AK5: variants seen among roughly 807,000 people sequenced by gnomAD.
The protein encoded by AK5 is adenylate kinase isoenzyme 5.
A neutral mutation model predicts 69.5 loss-of-function variants in AK5; 27 were observed. The ratio of observed to expected loss-of-function variants is 0.39; its 90% CI spans 0.29 to 0.54. The LOEUF is 0.54. Ranked by LOEUF, AK5 falls within the 20% of genes least tolerant of loss-of-function variation. The pLI is 0.71. For missense variants in AK5, 531 were observed against 700.4 expected (o/e 0.76, Z 2.73); for synonymous variants, 260 against 244.4 (o/e 1.06, Z -0.60).
chr1:77,411,881 C>A (rs1422589847), intron 7 of AK5, among the ~76,000 whole-genome samples: 3 of 152,184 alleles, frequency 2.0e-5, no homozygotes, highest in Admixed American at 1.3e-4. Context: ...TCTTTCTGGG[C>A]AGACCCACAG....
At chr1:77,546,368 G>A (rs1251801513) in intron 13 of AK5, among the ~76,000 whole-genome samples, 1 of 152,174 alleles carries the variant, frequency 6.6e-6, no homozygotes, top group African/African-American at 2.4e-5. Context: ...TCTTTGACAT[G>A]CTCAGCAGAC....
intron 8 of AK5, among the ~76,000 whole-genome samples, chr1:77,435,187 G>A (rs535094315): frequency 2.9e-4 from 44 of 152,304 alleles, no homozygotes; most frequent in Non-Finnish European, 4.6e-4. Context: ...AGAGCAGAAG[G>A]CAGTGTTGTA....
At position 77,491,931 on chromosome 1, in the gene AK5, A is replaced by C. The variant is rs564891830; in HGVS notation, c.1147+5579A>C. The stretch of plus-strand genomic sequence containing the variant: ...GGTTGAAAGCATGGATTTTTGCAAA[A>C]ATCACTGCCTGTTGTTTTTGTTTTT... On this transcript the variant is annotated intron_variant, in intron 10 of 13. Transcript: ENST00000354567. Among the ~76,000 whole-genome samples the C allele has an allele frequency of 4.6e-5, 7 of 152,308 alleles. No individual in the cohort carries two copies. In the East Asian group the frequency reaches 1.2e-3, roughly 25 times the overall value.
intron 8 of AK5, among the ~76,000 whole-genome samples, chr1:77,441,431 T>G (rs1652319382): frequency 6.6e-6 from 1 of 152,190 alleles, no homozygotes; most frequent in African/African-American, 2.4e-5. Flanking sequence ...CTTCCAAACT[T>G]TCTAGAGTGG....
chr1:77,523,423 A>G (rs1658104955), intron 12 of AK5, among the ~76,000 whole-genome samples: 2 of 152,144 alleles, frequency 1.3e-5, no homozygotes, highest in Non-Finnish European at 2.9e-5. Flanking sequence ...GCTTTTTCCC[A>G]TGAAAAAAAT....
intron 6 of AK5, among the ~76,000 whole-genome samples, chr1:77,405,231 G>A (rs1649539070): frequency 6.6e-6 from 1 of 152,236 alleles, no homozygotes; most frequent in African/African-American, 2.4e-5. Flanking sequence ...ATCCCTTGAG[G>A]TGGATATTAT....
At chr1:77,475,199 G>A (rs199499154) in intron 8 of AK5, among the ~76,000 whole-genome samples, 2,312 of 11,258 alleles carry the variant, frequency 0.21, 19 homozygotes, top group Non-Finnish European at 0.33. Flanking sequence ...ATATATATGT[G>A]TGTGTGTGTG....
chr1:77,424,999 CA>C (rs1651098437), intron 8 of AK5, among the ~76,000 whole-genome samples: 2 of 152,096 alleles, frequency 1.3e-5, no homozygotes, highest in African/African-American at 4.8e-5. Context: ...AATAGAGAAA[CA>C]AATCTTGAAA....
intron 6 of AK5, 29 bp from the exon 7 acceptor site, chr1:77,410,952 C>A (rs1650001444): frequency 1.9e-6 from 3 of 1,590,310 alleles, no homozygotes; most frequent in Non-Finnish European, 2.6e-6. Flanking sequence ...TTCTCACATT[C>A]CAAACTTGTC....
intron 12 of AK5, among the ~76,000 whole-genome samples, chr1:77,535,144 CCACAAAA>C (rs1658887843): frequency 6.6e-6 from 1 of 152,172 alleles, no homozygotes; most frequent in Non-Finnish European, 1.5e-5. Flanking sequence ...AGCAAGTGTT[CCACAAAA>C]CCAGACAGAA....
chr1:77,505,711 A>G (rs1656985869), intron 10 of AK5, among the ~76,000 whole-genome samples: 1 of 151,564 alleles, frequency 6.6e-6, no homozygotes, highest in Non-Finnish European at 1.5e-5. Context: ...TACTAAAAAT[A>G]AAATAAAGTA....
chr1:77,392,810 C>A (rs1648575865), intron 6 of AK5, among the ~76,000 whole-genome samples: 1 of 151,992 alleles, frequency 6.6e-6, no homozygotes, highest in Admixed American at 6.5e-5. Flanking sequence ...ATTCTGCAAT[C>A]TAGTGTTAAT....
rs1457235453 is a variant in AK5 at position 77,558,866 on chromosome 1, C to CTA, written c.*200_*201dup. On this transcript the variant is annotated 3_prime_UTR_variant, in exon 14 of 14. Coordinates refer to ENST00000354567, the MANE Select transcript of AK5 (RefSeq NM_174858.3). ...GAAATCATGCATGGTGTATTTGGGA[C>CTA]TATATCAACCTATTCTCCACACTTC... is the stretch of plus-strand genomic sequence containing the variant. 5 of 559,528 alleles carry CTA rather than the reference C, an allele frequency of 8.9e-6. No individual in the cohort carries two copies. Among genetic ancestry groups the CTA allele is most frequent in the Admixed American group, 6.4e-5 (2 of 31,054 alleles). The allele number at this position is 559,528 out of a possible 1,614,324, so 34.7% of individuals were successfully genotyped here.
At chr1:77,440,243 T>C (rs1009987835) in intron 8 of AK5, among the ~76,000 whole-genome samples, 3 of 152,350 alleles carry the variant, frequency 2.0e-5, no homozygotes, top group Admixed American at 1.3e-4. Flanking sequence ...GGTAGTTTTG[T>C]TGGATATGCT....
chr1:77,380,326 T>C (rs922027935), intron 6 of AK5, among the ~76,000 whole-genome samples: 1 of 152,116 alleles, frequency 6.6e-6, no homozygotes, highest in Admixed American at 6.5e-5. Flanking sequence ...TTATAGCCAA[T>C]CCTCTCAAAA....
intron 6 of AK5, among the ~76,000 whole-genome samples, chr1:77,361,256 T>G (rs1211116629): frequency 6.6e-6 from 1 of 152,236 alleles, no homozygotes; most frequent in Admixed American, 6.5e-5. Flanking sequence ...TTTTGGTTCT[T>G]AAGTATTTCC....
intron 13 of AK5, among the ~76,000 whole-genome samples, chr1:77,539,678 G>T (rs1659167779): frequency 1.3e-5 from 2 of 152,198 alleles, no homozygotes. Flanking sequence ...GCTGGAGAGG[G>T]AGAAAGCCAC....
At chr1:77,546,659 G>A (rs1431200693) in intron 13 of AK5, among the ~76,000 whole-genome samples, 2 of 152,142 alleles carry the variant, frequency 1.3e-5, no homozygotes, top group Non-Finnish European at 2.9e-5. Flanking sequence ...GCAGTGAGCT[G>A]AGATCGCGCC....
chr1:77,315,990 A>T lies in AK5; in HGVS notation c.699+18043A>T, dbSNP rs147762781. Reference sequence around the variant, plus strand: ...AATTCAAACTCCTGTCGAAAGCAGCAGTTCATGGTGGTGCTTTTGTTTTCT... The same window carrying T: ...AATTCAAACTCCTGTCGAAAGCAGCTGTTCATGGTGGTGCTTTTGTTTTCT... On this transcript the variant is annotated intron_variant, in intron 5 of 13. Transcript: ENST00000354567. Among the ~76,000 whole-genome samples the T allele has an allele frequency of 3.3e-5, 5 of 152,300 alleles. No individual in the cohort carries two copies. The East Asian group carries it at 7.7e-4, about 24-fold the overall frequency.
Sources: allele counts gnomAD v4.1 joint callset (sites outside exome capture counted in the v4.1 genomes callset), GRCh38; gene constraint gnomAD v4.1.1; transcripts MANE v1.5; gene names NCBI Gene and HGNC (gene_info 2026-07-23, HGNC 2026-07-21).